TNIP3: variants seen among roughly 807,000 people sequenced by gnomAD.
The protein encoded by TNIP3 is TNFAIP3-interacting protein 3.
TNIP3 carries 34 observed loss-of-function variants against 54.1 expected under a neutral mutation model. The ratio of observed to expected loss-of-function variants is 0.63; its 90% CI spans 0.48 to 0.84. The LOEUF (loss-of-function observed/expected upper bound fraction) is 0.84, where lower values mean the gene tolerates loss of function less well. Among genes scored for constraint, TNIP3 ranks in the 40% least tolerant of loss-of-function variants. The pLI is 0.00. For synonymous variants in TNIP3, 134 were observed against 136.8 expected, an observed-to-expected ratio of 0.98 and a Z score of 0.14; for missense variants, 366 against 387.6, an observed-to-expected ratio of 0.94 and a Z score of 0.47.
intron 10 of TNIP3, among the ~76,000 whole-genome samples, chr4:121,134,329 A>T (rs1304552456): frequency 6.6e-6 from 1 of 152,234 alleles, no homozygotes; most frequent in East Asian, 1.9e-4. Flanking sequence ...TTGACATTTC[A>T]GAAAGGAAGA....
intron 5 of TNIP3, among the ~76,000 whole-genome samples, chr4:121,153,172 A>T (rs1004240866): frequency 6.6e-6 from 1 of 152,162 alleles, no homozygotes; most frequent in South Asian, 2.1e-4. Flanking sequence ...TTAAAATGTA[A>T]AATTTCGTGT....
At chr4:121,195,345 G>A (rs974429800) in intron 2 of TNIP3, among the ~76,000 whole-genome samples, 1 of 152,160 alleles carries the variant, frequency 6.6e-6, no homozygotes, top group African/African-American at 2.4e-5. Context: ...AACAACAGTG[G>A]TATGAGCCTT....
At chr4:121,183,927 A>G (rs540213469) in intron 2 of TNIP3, among the ~76,000 whole-genome samples, 1 of 152,224 alleles carries the variant, frequency 6.6e-6, no homozygotes, top group South Asian at 2.1e-4. Context: ...TATAATAATA[A>G]TACCAATACA....
At chr4:121,147,425 C>A (rs974664774) in intron 6 of TNIP3, among the ~76,000 whole-genome samples, 4 of 152,024 alleles carry the variant, frequency 2.6e-5, no homozygotes, top group Non-Finnish European at 5.9e-5. Context: ...ACTGACATGC[C>A]CAAGTTTCCA....
At chr4:121,200,312 TAA>T (rs1330478913) in intron 2 of TNIP3, among the ~76,000 whole-genome samples, 1 of 151,986 alleles carries the variant, frequency 6.6e-6, no homozygotes, top group African/African-American at 2.4e-5. Context: ...CATAATCCAC[TAA>T]GAAGAGGAAT....
chr4:121,194,491 C>T (rs991276413), intron 2 of TNIP3, among the ~76,000 whole-genome samples: 38 of 152,144 alleles, frequency 2.5e-4, no homozygotes, highest in African/African-American at 8.7e-4. Flanking sequence ...TTGGGGTTTA[C>T]GAAATTAGTG....
chr4:121,179,929 T>G (rs1724580719), intron 3 of TNIP3, among the ~76,000 whole-genome samples: 1 of 152,102 alleles, frequency 6.6e-6, no homozygotes, highest in Admixed American at 6.5e-5. Context: ...GTTTAGTAAG[T>G]ACATGTGTCT....
At chr4:121,134,038 T>C (rs1333536499) in intron 10 of TNIP3, among the ~76,000 whole-genome samples, 1 of 152,188 alleles carries the variant, frequency 6.6e-6, no homozygotes, top group Non-Finnish European at 1.5e-5. Flanking sequence ...ACCCAGCTTG[T>C]GGTATTTTGT....
Position 121,163,839 on chromosome 4 carries a change from AAGGCT to A in TNIP3, c.66+216_66+220del, listed in dbSNP as rs199675898. 6.7e-3 allele frequency among the ~76,000 whole-genome samples: 1,026 copies of A among 152,324 alleles called. 12 individuals are homozygous for A. The highest frequency in any genetic ancestry group is 0.023 in the African/African-American group (966 of 41,576). On this transcript the variant is annotated intron_variant, in intron 1 of 10. Transcript: ENST00000057513. ...CAAAATAAGGAACCCACAGAACTGG[AAGGCT>A]GAAAGGAATTTAAGCCCCGTGGGTT...
intron 4 of TNIP3, 25 bp from the exon 5 acceptor site, chr4:121,154,704 A>T (rs1579400761): frequency 1.3e-6 from 2 of 1,580,798 alleles, no homozygotes; most frequent in African/African-American, 1.4e-5. Context: ...AAGAAAAGAA[A>T]ATAAAAGTCA....
upstream of TNIP3, among the ~76,000 whole-genome samples, chr4:121,169,034 T>C (rs777720456): frequency 6.6e-6 from 1 of 152,202 alleles, no homozygotes; most frequent in Admixed American, 6.5e-5. Context: ...CTATTTTTGC[T>C]TCCACTCCCC....
In TNIP3 at chr4:121,147,187, A is replaced by G; in HGVS notation, c.610-13T>C. 1 of 1,601,372 alleles carries G rather than the reference A, an allele frequency of 6.2e-7. No homozygotes were observed. The highest frequency in any genetic ancestry group is 8.5e-7 in the Non-Finnish European group (1 of 1,175,818). ...CGTATATTTGCACCTAAGAAATATT[A>G]GCTTGCTGTTACTGTAAGCTTCCTT... On this transcript the variant is annotated splice_polypyrimidine_tract_variant and intron_variant, in intron 6 of 10. Coordinates refer to ENST00000057513, the MANE Select transcript of TNIP3 (RefSeq NM_024873.6).
intron 2 of TNIP3, among the ~76,000 whole-genome samples, chr4:121,159,408 G>T (rs1250631133): frequency 6.6e-6 from 1 of 152,120 alleles, no homozygotes; most frequent in Non-Finnish European, 1.5e-5. Flanking sequence ...ATAAAAATTT[G>T]TAAGTATTGA....
chr4:121,143,201 T>A (rs1729224549), intron 7 of TNIP3, among the ~76,000 whole-genome samples: 1 of 152,226 alleles, frequency 6.6e-6, no homozygotes, highest in African/African-American at 2.4e-5. Flanking sequence ...TCCCTCTATG[T>A]GATACTTAAT....
In TNIP3 at chr4:121,164,053, T is replaced by C. The variant is rs766590844; in HGVS notation, c.66+7A>G. Reference sequence around the variant, plus strand: ...GATCAACTCATCTCCTAGAAATATGTTCTTACCTCTTTATGCTCCGTAGAA... The same window carrying C: ...GATCAACTCATCTCCTAGAAATATGCTCTTACCTCTTTATGCTCCGTAGAA... On this transcript the variant is annotated splice_region_variant and intron_variant, in intron 1 of 10. Coordinates refer to ENST00000057513, the MANE Select transcript of TNIP3 (RefSeq NM_024873.6). The C allele has an allele frequency of 2.5e-6, 4 of 1,613,414 alleles. No individual in the cohort carries two copies. In the South Asian group the frequency reaches 4.4e-5, roughly 18 times the overall value.
intron 5 of TNIP3, among the ~76,000 whole-genome samples, chr4:121,152,977 A>G (rs1729850990): frequency 6.6e-6 from 1 of 152,196 alleles, no homozygotes; most frequent in African/African-American, 2.4e-5. Flanking sequence ...TAGACATTAT[A>G]TATACATTAG....
intron 9 of TNIP3, among the ~76,000 whole-genome samples, chr4:121,140,290 C>T (rs1408443819): frequency 1.3e-5 from 2 of 151,692 alleles, no homozygotes; most frequent in Admixed American, 6.6e-5. Context: ...GCCAAGATCG[C>T]ACCACTGCAC....
At chr4:121,154,750 G>C in intron 4 of TNIP3, 71 bp from the exon 5 acceptor site, 3 of 1,424,518 alleles carry the variant, frequency 2.1e-6, no homozygotes, top group Non-Finnish European at 2.8e-6. Flanking sequence ...TAGGAATTCT[G>C]ATATATCAGC....
chr4:121,142,801 T>G (rs1729199978), intron 7 of TNIP3, 25 bp from the exon 8 acceptor site: 3 of 1,600,234 alleles, frequency 1.9e-6, no homozygotes, highest in East Asian at 4.5e-5. Flanking sequence ...AAGGCATTTG[T>G]TAATCAAGAC....
Sources: allele counts gnomAD v4.1 joint callset (sites outside exome capture counted in the v4.1 genomes callset), GRCh38; gene constraint gnomAD v4.1.1; transcripts MANE v1.5; gene names NCBI Gene and HGNC (gene_info 2026-07-23, HGNC 2026-07-21).